The following KCNT2 variants were observed in gnomAD, a reference collection of about 807,000 sequenced individuals.
KCNT2 encodes the protein potassium channel subfamily T member 2.
In KCNT2, 67 loss-of-function variants were observed where a neutral mutation model predicts 153.8. The ratio of observed to expected loss-of-function variants is 0.44; its 90% CI spans 0.36 to 0.53. KCNT2 has a LOEUF of 0.53. Ranked by LOEUF, KCNT2 falls within the 20% of genes least tolerant of loss-of-function variation. KCNT2 has a pLI of 0.00. For synonymous variants in KCNT2, 500 were observed against 458.8 expected (o/e 1.09, Z -1.15); for missense variants, 975 against 1,354.8 (o/e 0.72, Z 4.40).
intron 27 of KCNT2, among the ~76,000 whole-genome samples, chr1:196,232,550 A>G (rs1306096800): frequency 2.0e-5 from 3 of 151,666 alleles, no homozygotes; most frequent in Admixed American, 1.3e-4. Flanking sequence ...AATTATCTCA[A>G]TGCCACAAAT....
At chr1:196,279,720 G>T (rs1658914733) in intron 25 of KCNT2, among the ~76,000 whole-genome samples, 1 of 151,466 alleles carries the variant, frequency 6.6e-6, no homozygotes, top group Non-Finnish European at 1.5e-5. Flanking sequence ...GAGCCACTGT[G>T]CCAGGCCACA....
chr1:196,439,575 A>G (rs527385304), intron 8 of KCNT2, among the ~76,000 whole-genome samples: 28 of 152,128 alleles, frequency 1.8e-4, no homozygotes, highest in African/African-American at 6.7e-4. Flanking sequence ...GGATAAAGGC[A>G]ATGGTTAATA....
At chr1:196,299,398 G>A (rs550008367) in intron 22 of KCNT2, among the ~76,000 whole-genome samples, 2 of 151,932 alleles carry the variant, frequency 1.3e-5, no homozygotes, top group East Asian at 1.9e-4. Flanking sequence ...AACAATAAAA[G>A]AAAGGTCAGA....
At chr1:196,454,205 A>G (rs1471499397) in intron 8 of KCNT2, among the ~76,000 whole-genome samples, 1 of 151,904 alleles carries the variant, frequency 6.6e-6, no homozygotes, top group Non-Finnish European at 1.5e-5. Flanking sequence ...AAATGCATTA[A>G]TTTTATTTTT....
chr1:196,417,079 A>AT (rs1033865299), intron 12 of KCNT2, among the ~76,000 whole-genome samples: 7 of 151,860 alleles, frequency 4.6e-5, no homozygotes, highest in African/African-American at 1.5e-4. Flanking sequence ...ACCCACAGAA[A>AT]TTTTTTTTAA....
chr1:196,233,749 G>A (rs1654163071), intron 27 of KCNT2, among the ~76,000 whole-genome samples: 1 of 151,348 alleles, frequency 6.6e-6, no homozygotes. Flanking sequence ...CATAGTCAGT[G>A]TTAAATGAAA....
intron 15 of KCNT2, among the ~76,000 whole-genome samples, chr1:196,341,097 A>G (rs1665581394): frequency 6.6e-6 from 1 of 151,968 alleles, no homozygotes; most frequent in African/African-American, 2.4e-5. Flanking sequence ...AGAATACAGA[A>G]GCTCCTTGAC....
intron 8 of KCNT2, among the ~76,000 whole-genome samples, chr1:196,446,428 A>G (rs1378867338): frequency 2.0e-5 from 3 of 151,408 alleles, no homozygotes; most frequent in African/African-American, 7.3e-5. Context: ...GTGGAACCAC[A>G]GCTTACTGGT....
chr1:196,377,235 A>T (rs1380835141), intron 13 of KCNT2, among the ~76,000 whole-genome samples: 1 of 151,954 alleles, frequency 6.6e-6, no homozygotes, highest in Admixed American at 6.6e-5. Context: ...AATCCTTTTC[A>T]TGGGCATAAA....
intron 13 of KCNT2, among the ~76,000 whole-genome samples, chr1:196,378,490 T>C (rs1230990313): frequency 6.6e-6 from 1 of 151,928 alleles, no homozygotes; most frequent in Non-Finnish European, 1.5e-5. Context: ...TTATTCCCTA[T>C]GTCAAATACT....
At chr1:196,594,087 T>A (rs573193187) in intron 1 of KCNT2, among the ~76,000 whole-genome samples, 1 of 152,092 alleles carries the variant, frequency 6.6e-6, no homozygotes, top group East Asian at 1.9e-4. Flanking sequence ...GTTGATCATT[T>A]ACAACACCTC....
chr1:196,379,112 C>T (rs1317401630), intron 13 of KCNT2, among the ~76,000 whole-genome samples: 2 of 152,056 alleles, frequency 1.3e-5, no homozygotes, highest in Non-Finnish European at 2.9e-5. Flanking sequence ...TACAAAATCA[C>T]TTTCCCTAAA....
intron 27 of KCNT2, among the ~76,000 whole-genome samples, chr1:196,233,568 C>T (rs553726998): frequency 6.6e-6 from 1 of 151,368 alleles, no homozygotes; most frequent in Non-Finnish European, 1.5e-5. Flanking sequence ...CTACAGAAAA[C>T]TAGCTTATCT....
chr1:196,435,133 G>GTGTA (rs1248809574), intron 8 of KCNT2, among the ~76,000 whole-genome samples: 23 of 87,880 alleles, frequency 2.6e-4, no homozygotes, highest in South Asian at 4.6e-4. Flanking sequence ...ATGTGTGTGT[G>GTGTA]TGTATGTATA....
At chr1:196,288,166 G>C (rs1347509752) in intron 22 of KCNT2, among the ~76,000 whole-genome samples, 1 of 126,196 alleles carries the variant, frequency 7.9e-6, no homozygotes, top group Non-Finnish European at 1.6e-5. Context: ...TAAAACGCTT[G>C]AGAGACTTCA....
chr1:196,355,091 T>C (rs1667062868), intron 14 of KCNT2, among the ~76,000 whole-genome samples: 1 of 151,498 alleles, frequency 6.6e-6, no homozygotes, highest in Admixed American at 6.6e-5. Context: ...GTTTACAAAA[T>C]AAACAGCTAA....
chr1:196,548,079 T>A (rs1381279643), intron 1 of KCNT2, among the ~76,000 whole-genome samples: 2 of 151,738 alleles, frequency 1.3e-5, no homozygotes, highest in African/African-American at 2.4e-5. Flanking sequence ...AAGCATAAAA[T>A]GATGATGTGA....
chr1:196,469,200 G>A, intron 5 of KCNT2, 132 bp from the exon 6 acceptor site: 1 of 554,450 alleles, frequency 1.8e-6, no homozygotes, highest in South Asian at 2.9e-5. Flanking sequence ...ATTATATAGA[G>A]ATGTAGCAAT....
At chr1:196,593,309 T>TAC (rs1422252947) in intron 1 of KCNT2, among the ~76,000 whole-genome samples, 23 of 126,694 alleles carry the variant, frequency 1.8e-4, no homozygotes, top group African/African-American at 7.1e-4. Flanking sequence ...TATATATATA[T>TAC]ATACACACAC....
Sources: allele counts gnomAD v4.1 joint callset (sites outside exome capture counted in the v4.1 genomes callset), GRCh38; gene constraint gnomAD v4.1.1; transcripts MANE v1.5; gene names NCBI Gene and HGNC (gene_info 2026-07-23, HGNC 2026-07-21).